PTPRB: variants seen among roughly 807,000 people sequenced by gnomAD.
PTPRB encodes the protein protein tyrosine phosphatase receptor type B.
PTPRB carries 97 observed loss-of-function variants against 238.1 expected under a neutral mutation model. The observed-to-expected ratio is 0.41, with a 90% confidence interval of 0.35 to 0.48. The LOEUF is 0.48. Among genes scored for constraint, PTPRB ranks in the 20% least tolerant of loss-of-function variants. PTPRB has a pLI of 0.30. For missense variants in PTPRB, 2,292 were observed against 2,681.9 expected (o/e 0.85, Z 3.21); for synonymous variants, 970 against 995.4 (o/e 0.97, Z 0.48).
Position 70,576,677 on chromosome 12 carries a change from G to GGGGGGGGGGT in PTPRB, c.2579-33_2579-32insACCCCCCCCC. 2 of 233,644 alleles carry GGGGGGGGGGT rather than the reference G, an allele frequency of 8.6e-6. 1 individual carries two copies. Among genetic ancestry groups the GGGGGGGGGGT allele is most frequent in the Non-Finnish European group, 1.6e-5 (2 of 126,412 alleles). The allele number at this position is 233,644 out of a possible 1,614,324, so 14.5% of individuals were successfully genotyped here. A position where few individuals can be genotyped will look rare whatever the true frequency, so the allele number is the denominator to read the frequency against. ...TTTTGAAAGGTGGGGGGCGGGGGGG[G>GGGGGGGGGGT]GGGGGAAGGGGGATTCAAAAAGAAA... On this transcript the variant is annotated intron_variant, in intron 10 of 33. Coordinates refer to ENST00000334414, the MANE Select transcript of PTPRB (RefSeq NM_001109754.4).
At chr12:70,575,059 C>T (rs1287272390) in intron 11 of PTPRB, among the ~76,000 whole-genome samples, 1 of 152,124 alleles carries the variant, frequency 6.6e-6, no homozygotes, top group East Asian at 1.9e-4. Flanking sequence ...ATCTGCTTTT[C>T]AGATCTAAGT....
intron 6 of PTPRB, among the ~76,000 whole-genome samples, chr12:70,593,606 A>C (rs966820457): frequency 3.3e-5 from 5 of 152,096 alleles, no homozygotes; most frequent in African/African-American, 1.2e-4. Flanking sequence ...TGATGTACAT[A>C]AATAACTTTT....
intron 2 of PTPRB, among the ~76,000 whole-genome samples, chr12:70,625,170 T>C (rs1219768932): frequency 1.3e-5 from 2 of 152,184 alleles, no homozygotes; most frequent in Admixed American, 6.5e-5. Context: ...TCATTTTGTG[T>C]CTGTGTTTTT....
intron 28 of PTPRB, among the ~76,000 whole-genome samples, 198 bp from the exon 29 acceptor site, chr12:70,536,357 C>G (rs1592411377): frequency 6.6e-6 from 1 of 152,194 alleles, no homozygotes; most frequent in Non-Finnish European, 1.5e-5. Flanking sequence ...GAGCCACATT[C>G]CCTTTTACTT....
intron 3 of PTPRB, among the ~76,000 whole-genome samples, chr12:70,620,933 C>G (rs1323408451): frequency 1.3e-5 from 2 of 152,094 alleles, no homozygotes; most frequent in African/African-American, 4.8e-5. Flanking sequence ...CCCCCAAAAC[C>G]CTGACTTTGC....
intron 3 of PTPRB, among the ~76,000 whole-genome samples, chr12:70,612,882 G>T (rs746320096): frequency 6.6e-6 from 1 of 152,026 alleles, no homozygotes; most frequent in African/African-American, 2.4e-5. Flanking sequence ...AGCTACTCAG[G>T]AGGCTGCAGC....
Position 70,534,831 on chromosome 12 carries a change from A to G in PTPRB, c.6204+2T>C. 1 of 1,613,704 alleles carries G rather than the reference A, an allele frequency of 6.2e-7. No individual in the cohort carries two copies. The highest frequency in any genetic ancestry group is 8.5e-7 in the Non-Finnish European group (1 of 1,179,766). ...GTTGTTAAGTCAAGCAAGCTAACATACACCGCATATCTTAAACTCCCGGAT... is the reference window on the plus strand; with the variant it reads ...GTTGTTAAGTCAAGCAAGCTAACATGCACCGCATATCTTAAACTCCCGGAT... On this transcript the variant is annotated splice_donor_variant, in intron 30 of 33. Coordinates refer to ENST00000334414, the MANE Select transcript of PTPRB (RefSeq NM_001109754.4). LOFTEE classifies it high-confidence loss of function.
rs201608033 is a variant in PTPRB, at chr12:70,566,533, T to C, written c.3806A>G (p.Lys1269Arg). 1.2e-6 allele frequency: 2 copies of C among 1,614,002 alleles called. No homozygotes were observed. Among genetic ancestry groups the C allele is most frequent in the African/African-American group, 1.3e-5 (1 of 75,038 alleles). The change falls in exon 15 of 34, where the codon AAA (lysine) becomes AGA (arginine). Residue 1269 changes from lysine to arginine, a missense_variant. Physicochemically the swap from Lys to Arg is conservative, Grantham distance 26. Transcript: ENST00000334414. Reference protein sequence around the residue: ...TSEPATTKQHKFEDLTPGKKY... With the variant: ...TSEPATTKQHRFEDLTPGKKY... The stretch of plus-strand genomic sequence containing the variant: ...CTTGCCTGGTGTTAGATCTTCAAAT[T>C]TGTGTTGCTTAGTGGTGGCTGGCTC...
chr12:70,530,175 A>ATAGTT (rs1872986886), intron 32 of PTPRB, among the ~76,000 whole-genome samples: 1 of 152,196 alleles, frequency 6.6e-6, no homozygotes, highest in Non-Finnish European at 1.5e-5. Flanking sequence ...AAAACCAAAT[A>ATAGTT]TAGTTTTTTA....
chr12:70,544,148 C>T (rs1463973923), intron 22 of PTPRB, among the ~76,000 whole-genome samples: 1 of 152,150 alleles, frequency 6.6e-6, no homozygotes, highest in African/African-American at 2.4e-5. Context: ...TTGAGATACA[C>T]ATCATTAATA....
chr12:70,532,339 C>G (rs1186707853), intron 31 of PTPRB, among the ~76,000 whole-genome samples, 169 bp from the exon 32 acceptor site: 2 of 151,744 alleles, frequency 1.3e-5, no homozygotes, highest in South Asian at 2.1e-4. Context: ...ACCCCACCCC[C>G]CCACAGCCTT....
At chr12:70,586,887 G>A in intron 9 of PTPRB, 120 bp downstream of exon 9, 2 of 944,806 alleles carry the variant, frequency 2.1e-6, no homozygotes, top group Non-Finnish European at 3.2e-6. Flanking sequence ...ACAATAGAAA[G>A]GATCCATAAA....
Position 70,594,527 on chromosome 12 carries a change from G to A in PTPRB, c.1456C>T (p.Leu486Phe), listed in dbSNP as rs1882808408. The A allele has an allele frequency of 6.2e-7, 1 of 1,613,844 alleles. No homozygotes were observed. Among genetic ancestry groups the A allele is most frequent in the Non-Finnish European group, 8.5e-7 (1 of 1,179,894 alleles). ...CCTGCAGCCTCAGTCATAACAGTGA[G>A]GTTGTAGAGGTAGCCAGGGGTCAGC... ...HGLTPGYLYNLTVMTEAAGLQ... is the reference protein window; with the variant it reads ...HGLTPGYLYNFTVMTEAAGLQ... The change falls in exon 6 of 34, where the codon CTC (leucine) becomes TTC (phenylalanine). Residue 486 changes from leucine to phenylalanine, a missense_variant. Physicochemically the swap from Leu to Phe is conservative, Grantham distance 22. Around this residue, in one of 4 missense-constraint regions of PTPRB, gnomAD observed 1,205 missense variants for 1,287.8 expected, o/e 0.94. Coordinates refer to ENST00000334414, the MANE Select transcript of PTPRB (RefSeq NM_001109754.4).
intron 10 of PTPRB, 104 bp downstream of exon 10, chr12:70,580,932 G>A (rs1157514585): frequency 7.5e-7 from 1 of 1,328,716 alleles, no homozygotes; most frequent in African/African-American, 1.5e-5. Context: ...TTTTGTAAAG[G>A]CCAGGGATGA....
chr12:70,573,500 CTTTTCT>C (rs201575605), intron 11 of PTPRB, among the ~76,000 whole-genome samples: 15,879 of 121,180 alleles, frequency 0.13, 684 homozygotes, highest in Non-Finnish European at 0.17. Flanking sequence ...TTTTTCTTTT[CTTTTCT>C]TTTTTTTTTT....
chr12:70,535,203 G>A (rs1873916201), intron 29 of PTPRB, among the ~76,000 whole-genome samples: 1 of 147,472 alleles, frequency 6.8e-6, no homozygotes, highest in African/African-American at 2.5e-5. Context: ...CATTTTTTAG[G>A]CCCAGTAATA....
chr12:70,529,284 A>G (rs1009306406), intron 32 of PTPRB, among the ~76,000 whole-genome samples: 1 of 152,190 alleles, frequency 6.6e-6, no homozygotes, highest in Non-Finnish European at 1.5e-5. Context: ...TATTGACAGT[A>G]GAGTCCCTCC....
chr12:70,626,971 T>C (rs1338550211), intron 2 of PTPRB, among the ~76,000 whole-genome samples: 1 of 152,044 alleles, frequency 6.6e-6, no homozygotes, highest in Non-Finnish European at 1.5e-5. Context: ...AAAGTAAAAT[T>C]AATAAATGGA....
rs189670654 is a variant in PTPRB, at chr12:70,599,435, C to T, written c.980-3108G>A. On this transcript the variant is annotated intron_variant, in intron 4 of 33. Coordinates refer to ENST00000334414, the MANE Select transcript of PTPRB (RefSeq NM_001109754.4). The stretch of plus-strand genomic sequence containing the variant: ...GGTTTTTCCAATCATCACACTCATA[C>T]GCATAGTAACCAGTGAAGTATTATA... Among the ~76,000 whole-genome samples, 846 of 152,028 alleles carry T rather than the reference C, an allele frequency of 5.6e-3. 11 individuals carry two copies. The highest frequency in any genetic ancestry group is 0.018 in the African/African-American group (764 of 41,478).
Sources: allele counts gnomAD v4.1 joint callset (sites outside exome capture counted in the v4.1 genomes callset), GRCh38; gene constraint gnomAD v4.1.1; regional missense constraint gnomAD v4.1.1; transcripts MANE v1.5; gene names NCBI Gene and HGNC (gene_info 2026-07-23, HGNC 2026-07-21).